The following STEAP1B variants were observed in gnomAD, a reference collection of about 807,000 sequenced individuals.
STEAP1B encodes STEAP family member 1B.
A neutral mutation model predicts 27.9 loss-of-function variants in STEAP1B; 13 were observed. The ratio of observed to expected loss-of-function variants is 0.47; its 90% confidence interval spans 0.30 to 0.74. The LOEUF (loss-of-function observed/expected upper bound fraction) is 0.74, where lower values mean the gene tolerates loss of function less well. STEAP1B is among the 30% of genes least tolerant of loss of function. The pLI is 0.06. For synonymous variants in STEAP1B, 86 were observed against 107.1 expected, an observed-to-expected ratio of 0.80 and a Z score of 1.22; for missense variants, 250 against 298.7, an observed-to-expected ratio of 0.84 and a Z score of 1.20.
chr7:22,465,203 G>A (rs373035424), intron 4 of STEAP1B, among the ~76,000 whole-genome samples: 16 of 151,688 alleles, frequency 1.1e-4, no homozygotes, highest in Non-Finnish European at 1.5e-4. Flanking sequence ...GTCCAGAGCC[G>A]GATGGTGTGA....
chr7:22,464,198 T>C (rs2128408774), intron 4 of STEAP1B, among the ~76,000 whole-genome samples: 1 of 152,332 alleles, frequency 6.6e-6, no homozygotes, highest in South Asian at 2.1e-4. Context: ...GAACAATGTG[T>C]TCGCAATGCC....
intron 4 of STEAP1B, among the ~76,000 whole-genome samples, chr7:22,476,174 C>T (rs575276317): frequency 6.6e-6 from 1 of 152,264 alleles, no homozygotes; most frequent in South Asian, 2.1e-4. Flanking sequence ...CTCCCCAAAC[C>T]CCGTTGTATT....
chr7:22,492,603 T>C lies in STEAP1B; in HGVS notation c.724A>G (p.Ser242Gly). Residue 242 changes from serine to glycine, a missense_variant, in exon 4 of 5, where the codon AGT (serine) becomes GGT (glycine). Coordinates refer to ENST00000678116, the MANE Select transcript of STEAP1B (RefSeq NM_001382447.1). ...AATTCTCTCCATGTCAAAGAGTCAC[T>C]CACAGATGGAATAGATGTCACAGCC... The part of the protein sequence containing the change: ...LLAVTSIPSV[S>G]DSLTWREFHY... The C allele has an allele frequency of 6.2e-7, 1 of 1,612,640 alleles. No homozygotes were observed. The highest frequency in any genetic ancestry group is 8.5e-7 in the Non-Finnish European group (1 of 1,179,470).
At chr7:22,432,958 A>C (rs1163083381) in intron 4 of STEAP1B, among the ~76,000 whole-genome samples, 1 of 152,200 alleles carries the variant, frequency 6.6e-6, no homozygotes, top group Admixed American at 6.5e-5. Flanking sequence ...TCATGAGCTC[A>C]ACCTCAGGTA....
chr7:22,434,145 G>C (rs1277204879), intron 4 of STEAP1B, among the ~76,000 whole-genome samples: 1 of 152,218 alleles, frequency 6.6e-6, no homozygotes, highest in Non-Finnish European at 1.5e-5. Context: ...CTTCCTGGAT[G>C]ACCTCATTCC....
At chr7:22,447,613 C>T (rs1583635962) in intron 4 of STEAP1B, among the ~76,000 whole-genome samples, 1 of 152,182 alleles carries the variant, frequency 6.6e-6, no homozygotes, top group Non-Finnish European at 1.5e-5. Flanking sequence ...AAAGTGGGAA[C>T]TCATCCCTGT....
intron 4 of STEAP1B, among the ~76,000 whole-genome samples, 197 bp from the exon 5 acceptor site, chr7:22,420,033 C>A (rs1785025815): frequency 6.6e-6 from 1 of 152,118 alleles, no homozygotes; most frequent in South Asian, 2.1e-4. Context: ...CCGGTGTGGT[C>A]TTTCTCCCTG....
At chr7:22,461,742 A>G (rs193234102) in intron 4 of STEAP1B, among the ~76,000 whole-genome samples, 4 of 152,254 alleles carry the variant, frequency 2.6e-5, no homozygotes, top group African/African-American at 7.2e-5. Flanking sequence ...CGGTAGTTTG[A>G]TTCTCTTCAT....
At chr7:22,451,521 T>C (rs973666463) in intron 4 of STEAP1B, among the ~76,000 whole-genome samples, 5 of 152,364 alleles carry the variant, frequency 3.3e-5, no homozygotes, top group Non-Finnish European at 7.3e-5. Context: ...TTTAATATAA[T>C]ATAGCTGTTG....
At chr7:22,456,897 T>G (rs191663124) in intron 4 of STEAP1B, among the ~76,000 whole-genome samples, 2 of 143,786 alleles carry the variant, frequency 1.4e-5, no homozygotes, top group East Asian at 2.1e-4. Flanking sequence ...GCGTGTAAGA[T>G]TCACCCTGGC....
chr7:22,430,631 G>C (rs370812172), intron 4 of STEAP1B, among the ~76,000 whole-genome samples: 1 of 152,150 alleles, frequency 6.6e-6, no homozygotes, highest in Non-Finnish European at 1.5e-5. Flanking sequence ...GCTTGTTTTC[G>C]TTAGAGTCAT....
intron 4 of STEAP1B, among the ~76,000 whole-genome samples, chr7:22,472,328 G>T (rs1001515344): frequency 6.6e-6 from 1 of 152,180 alleles, no homozygotes; most frequent in African/African-American, 2.4e-5. Context: ...GTCTGCACTT[G>T]TGCCTTAATC....
chr7:22,419,733 C>T lies in STEAP1B; in HGVS notation c.*71G>A. On this transcript the variant is annotated 3_prime_UTR_variant, in exon 5 of 5. Transcript: ENST00000678116. ...GAGGGAAAGGGCACTGGGTGGTGTTCTGCATGAGCAATCCAATGCTGTGCT... is the reference window on the plus strand; with the variant it reads ...GAGGGAAAGGGCACTGGGTGGTGTTTTGCATGAGCAATCCAATGCTGTGCT... The T allele has an allele frequency of 6.6e-7, 1 of 1,508,370 alleles. No individual in the cohort carries two copies. Among genetic ancestry groups the T allele is most frequent in the Admixed American group, 2.1e-5 (1 of 47,616 alleles). 93.4% of individuals were successfully genotyped at this position (1,508,370 alleles called of 1,614,324 possible).
At chr7:22,459,686 G>A (rs566619359) in intron 4 of STEAP1B, among the ~76,000 whole-genome samples, 1 of 152,228 alleles carries the variant, frequency 6.6e-6, no homozygotes, top group Non-Finnish European at 1.5e-5. Context: ...ATTATGTTGG[G>A]CCATTATCCT....
At position 22,419,736 on chromosome 7, in the gene STEAP1B, C is replaced by A; in HGVS notation, c.*68G>T. On this transcript the variant is annotated 3_prime_UTR_variant, in exon 5 of 5. Transcript: ENST00000678116. ...GGAAAGGGCACTGGGTGGTGTTCTG[C>A]ATGAGCAATCCAATGCTGTGCTCCA... The A allele has an allele frequency of 6.6e-7, 1 of 1,515,288 alleles. No homozygotes were observed. The allele number at this position is 1,515,288 out of a possible 1,614,324, so 93.9% of individuals were successfully genotyped here. A position where few individuals can be genotyped will look rare whatever the true frequency, so the allele number is the denominator to read the frequency against.
chr7:22,485,526 T>C (rs565953282), intron 4 of STEAP1B, among the ~76,000 whole-genome samples: 1 of 152,336 alleles, frequency 6.6e-6, no homozygotes, highest in Admixed American at 6.5e-5. Flanking sequence ...TCTCACTCTG[T>C]TGCTAAGGCT....
chr7:22,481,341 G>A (rs550485306), intron 4 of STEAP1B, among the ~76,000 whole-genome samples: 1 of 152,298 alleles, frequency 6.6e-6, no homozygotes, highest in Admixed American at 6.5e-5. Context: ...TACTACCTGT[G>A]TGCCTTTAGC....
intron 4 of STEAP1B, among the ~76,000 whole-genome samples, chr7:22,487,819 A>G (rs1030551652): frequency 2.0e-5 from 3 of 147,572 alleles, no homozygotes; most frequent in African/African-American, 5.0e-5. Context: ...AAAAAAAAAA[A>G]AAAGAAAAAA....
chr7:22,425,046 A>T (rs1294502605), intron 4 of STEAP1B, among the ~76,000 whole-genome samples: 1 of 152,228 alleles, frequency 6.6e-6, no homozygotes, highest in Non-Finnish European at 1.5e-5. Context: ...ATATTTGTAC[A>T]GTCATAACAC....
Sources: allele counts gnomAD v4.1 joint callset (sites outside exome capture counted in the v4.1 genomes callset), GRCh38; gene constraint gnomAD v4.1.1; transcripts MANE v1.5; gene names NCBI Gene and HGNC (gene_info 2026-07-23, HGNC 2026-07-21).